RYR2: variants seen among roughly 807,000 people sequenced by gnomAD.
RYR2 encodes the protein ryanodine receptor 2, also known as cardiac muscle ryanodine receptor-calcium release channel.
In RYR2, 227 loss-of-function variants were observed where a neutral mutation model predicts 601.1. The ratio of observed to expected loss-of-function variants is 0.38; its 90% confidence interval spans 0.34 to 0.42. The LOEUF (loss-of-function observed/expected upper bound fraction) is 0.42, where lower values mean the gene tolerates loss of function less well. RYR2 is among the 10% of genes least tolerant of loss of function. The pLI is 1.00. For missense variants in RYR2, 4,646 were observed against 6,156.5 expected, an observed-to-expected ratio of 0.75 and a Z score of 8.21; for synonymous variants, 2,223 against 2,175.1, an observed-to-expected ratio of 1.02 and a Z score of -0.61.
intron 29 of RYR2, among the ~76,000 whole-genome samples, chr1:237,582,939 T>TAC (rs113576590): frequency 0.27 from 40,381 of 150,600 alleles, 5,927 homozygotes; most frequent in East Asian, 0.61. Flanking sequence ...TATATATATA[T>TAC]ACCCAGTAAT....
intron 2 of RYR2, among the ~76,000 whole-genome samples, chr1:237,307,542 A>C (rs1257483860): frequency 6.6e-6 from 1 of 152,232 alleles, no homozygotes; most frequent in African/African-American, 2.4e-5. Flanking sequence ...TTACTTCTAC[A>C]TATATTCATT....
chr1:237,428,492 C>T (rs1446716977), intron 12 of RYR2, among the ~76,000 whole-genome samples: 1 of 151,780 alleles, frequency 6.6e-6, no homozygotes, highest in Non-Finnish European at 1.5e-5. Flanking sequence ...CAAACTAACA[C>T]AGGAACAGAA....
intron 82 of RYR2, among the ~76,000 whole-genome samples, chr1:237,759,091 T>TTTCTG (rs1693196491): frequency 6.6e-6 from 1 of 151,986 alleles, no homozygotes; most frequent in African/African-American, 2.4e-5. Context: ...TGTTCGGGGT[T>TTTCTG]TTTTGTTTTG....
At chr1:237,059,836 A>G (rs987150129) in intron 1 of RYR2, among the ~76,000 whole-genome samples, 1 of 152,216 alleles carries the variant, frequency 6.6e-6, no homozygotes, top group Admixed American at 6.5e-5. Context: ...ATTGGATGGA[A>G]CCATGATTCC....
intron 1 of RYR2, among the ~76,000 whole-genome samples, chr1:237,187,546 C>A (rs1458610718): frequency 6.7e-6 from 1 of 149,712 alleles, no homozygotes; most frequent in Non-Finnish European, 1.5e-5. Flanking sequence ...CAGGCTCAAG[C>A]AATCCTCCCA....
At chr1:237,645,800 A>G (rs1035358958) in intron 48 of RYR2, among the ~76,000 whole-genome samples, 11 of 151,200 alleles carry the variant, frequency 7.3e-5, no homozygotes, top group Admixed American at 6.6e-5. Flanking sequence ...GTGTTTGTGA[A>G]TTTTGTATCA....
At chr1:237,060,767 C>T (rs1662735390) in intron 1 of RYR2, among the ~76,000 whole-genome samples, 1 of 152,176 alleles carries the variant, frequency 6.6e-6, no homozygotes, top group South Asian at 2.1e-4. Flanking sequence ...TGCTACAATT[C>T]ATCTATCCAT....
chr1:237,209,339 C>G (rs1682297568), intron 1 of RYR2, among the ~76,000 whole-genome samples: 1 of 151,860 alleles, frequency 6.6e-6, no homozygotes, highest in South Asian at 2.1e-4. Context: ...CTGTATCTAG[C>G]TACATCACAT....
chr1:237,421,101 C>T (rs766551297), intron 11 of RYR2, among the ~76,000 whole-genome samples: 2 of 152,038 alleles, frequency 1.3e-5, no homozygotes, highest in East Asian at 1.9e-4. Flanking sequence ...TAGCCGGGCG[C>T]GGTGGCTGGC....
intron 27 of RYR2, among the ~76,000 whole-genome samples, chr1:237,566,020 C>T (rs1004541645): frequency 6.6e-6 from 1 of 152,138 alleles, no homozygotes; most frequent in African/African-American, 2.4e-5. Context: ...AATTTTGCAT[C>T]ACATTTGAGT....
intron 14 of RYR2, among the ~76,000 whole-genome samples, 192 bp from the exon 15 acceptor site, chr1:237,454,199 A>G (rs1658523608): frequency 6.6e-6 from 1 of 152,162 alleles, no homozygotes; most frequent in Admixed American, 6.6e-5. Context: ...TGCTTTTTAT[A>G]ACATAACATT....
intron 29 of RYR2, among the ~76,000 whole-genome samples, chr1:237,577,533 TGTGC>T (rs767190559): frequency 0.21 from 17,256 of 81,026 alleles, 1,126 homozygotes; most frequent in South Asian, 0.38. Context: ...TGTGTGTGTG[TGTGC>T]GTGTGTGTGT....
intron 1 of RYR2, among the ~76,000 whole-genome samples, chr1:237,233,363 A>G (rs567362122): frequency 3.0e-4 from 46 of 152,310 alleles, no homozygotes; most frequent in Non-Finnish European, 2.1e-4. Context: ...TTCTCCTTGC[A>G]CAAGCTCAGC....
intron 33 of RYR2, among the ~76,000 whole-genome samples, chr1:237,594,481 CA>C (rs1282635791): frequency 4.0e-5 from 6 of 151,874 alleles, no homozygotes; most frequent in Non-Finnish European, 8.8e-5. Context: ...AAGTTTGGAA[CA>C]AAAAAACCAC....
intron 8 of RYR2, among the ~76,000 whole-genome samples, chr1:237,385,692 A>G (rs1009687506): frequency 6.6e-6 from 1 of 152,232 alleles, no homozygotes; most frequent in Non-Finnish European, 1.5e-5. Context: ...GTGCCTGTGC[A>G]CGTGCTTTTT....
At chr1:237,082,996 T>C (rs1275686644) in intron 1 of RYR2, among the ~76,000 whole-genome samples, 1 of 152,324 alleles carries the variant, frequency 6.6e-6, no homozygotes, top group East Asian at 1.9e-4. Flanking sequence ...TTGCACACTT[T>C]CTTCTTTATA....
intron 4 of RYR2, among the ~76,000 whole-genome samples, chr1:237,362,591 C>A (rs1235141140): frequency 1.3e-5 from 2 of 152,080 alleles, no homozygotes; most frequent in African/African-American, 4.8e-5. Context: ...CTAATATACT[C>A]ATCTTTTTTG....
At chr1:237,063,583 TAC>T (rs566333200) in intron 1 of RYR2, among the ~76,000 whole-genome samples, 4 of 151,084 alleles carry the variant, frequency 2.6e-5, no homozygotes, top group Non-Finnish European at 4.4e-5. Flanking sequence ...ATTTTAATTC[TAC>T]ACACACACAC....
Position 237,760,966 on chromosome 1 carries a change from T to C in RYR2, c.11414T>C (p.Leu3805Pro). The C allele has an allele frequency of 6.4e-7, 1 of 1,570,536 alleles. No individual in the cohort carries two copies. Among genetic ancestry groups the C allele is most frequent in the Non-Finnish European group, 8.7e-7 (1 of 1,155,620 alleles). The change falls in exon 84 of 105, where the codon CTA (leucine) becomes CCA (proline). Residue 3805 changes from leucine (L) to proline (P), a missense_variant. By Grantham distance (98) the Leu-to-Pro change is moderately conservative. Coordinates refer to ENST00000366574, the MANE Select transcript of RYR2 (RefSeq NM_001035.3). ...GLMQSCSVLD[L>P]NAFERQNKAE... Reference sequence around the variant, plus strand: ...CCTTGTTATTATAGTGTCCTTGACCTAAATGCATTTGAGCGACAAAACAAA... The same window carrying C: ...CCTTGTTATTATAGTGTCCTTGACCCAAATGCATTTGAGCGACAAAACAAA...
Sources: gnomAD v4.1 joint callset for allele counts (sites outside exome capture counted in the v4.1 genomes callset) on GRCh38, gnomAD v4.1.1 for gene constraint, MANE v1.5 for transcripts, NCBI Gene and HGNC (gene_info 2026-07-23, HGNC 2026-07-21) for gene names.